The following SGCD variants were observed in gnomAD, a reference collection of about 807,000 sequenced individuals.
SGCD encodes sarcoglycan delta.
Under a neutral mutation model 36.6 loss-of-function variants are expected in SGCD, and 18 were observed. The ratio of observed to expected loss-of-function variants is 0.49; its 90% CI spans 0.34 to 0.73. The LOEUF (loss-of-function observed/expected upper bound fraction) is 0.73, where lower values mean the gene tolerates loss of function less well. Among genes scored for constraint, SGCD ranks in the 30% least tolerant of loss-of-function variants. SGCD has a pLI of 0.01. For missense variants in SGCD, 387 were observed against 346.7 expected (o/e 1.12, Z -0.92); for synonymous variants, 133 against 130.6 (o/e 1.02, Z -0.12).
intron 3 of SGCD, among the ~76,000 whole-genome samples, chr5:156,443,110 G>A (rs552795682): frequency 2.0e-5 from 3 of 152,132 alleles, no homozygotes; most frequent in African/African-American, 7.2e-5. Flanking sequence ...TCAGCCTCCC[G>A]AGTAGCTGGG....
At chr5:156,392,533 A>G (rs1271347712) in intron 3 of SGCD, among the ~76,000 whole-genome samples, 2 of 152,184 alleles carry the variant, frequency 1.3e-5, no homozygotes, top group African/African-American at 2.4e-5. Flanking sequence ...GGCATGTGTT[A>G]CAGGGTGCTC....
the SGCD span, among the ~76,000 whole-genome samples, chr5:155,762,159 T>C: frequency 6.6e-6 from 1 of 152,182 alleles, no homozygotes; most frequent in Non-Finnish European, 1.5e-5. Flanking sequence ...TTGTTCTTTT[T>C]CTGACTACCC....
chr5:156,723,559 TGAAGG>T (rs1275749609), intron 7 of SGCD, among the ~76,000 whole-genome samples: 1 of 152,220 alleles, frequency 6.6e-6, no homozygotes, highest in Non-Finnish European at 1.5e-5. Flanking sequence ...AACCATGCTA[TGAAGG>T]GAAGATTCAG....
intron 2 of SGCD, among the ~76,000 whole-genome samples, chr5:156,339,720 C>A (rs966148856): frequency 5.3e-5 from 8 of 152,098 alleles, no homozygotes; most frequent in Admixed American, 6.5e-5. Flanking sequence ...AAATACCTTA[C>A]TGCTAAAAAC....
At chr5:155,986,820 T>C (rs548300345) in intron 1 of SGCD, among the ~76,000 whole-genome samples, 77 of 152,244 alleles carry the variant, frequency 5.1e-4, no homozygotes, top group Non-Finnish European at 9.3e-4. Flanking sequence ...CAAATCAATT[T>C]TATATCAAAT....
the SGCD span, among the ~76,000 whole-genome samples, chr5:155,744,661 T>C: frequency 6.6e-6 from 1 of 151,904 alleles, no homozygotes; most frequent in Non-Finnish European, 1.5e-5. Flanking sequence ...ACAGCTGAAG[T>C]TGGAGGAAGA....
At chr5:156,312,099 T>C (rs1018031476) in intron 3 of SGCD, among the ~76,000 whole-genome samples, 2 of 152,182 alleles carry the variant, frequency 1.3e-5, no homozygotes, top group African/African-American at 2.4e-5. Context: ...CAAAGGAAAT[T>C]TGCACTTGTT....
chr5:156,208,915 G>GA (rs1764362537), intron 3 of SGCD, among the ~76,000 whole-genome samples: 1 of 152,116 alleles, frequency 6.6e-6, no homozygotes, highest in East Asian at 1.9e-4. Context: ...ACAAAAATAA[G>GA]AAAAAATGTA....
At chr5:156,230,529 T>C (rs1764989720) in intron 3 of SGCD, among the ~76,000 whole-genome samples, 2 of 152,136 alleles carry the variant, frequency 1.3e-5, no homozygotes, top group South Asian at 4.1e-4. Flanking sequence ...CTGTGAACCA[T>C]CTGTGGGTCT....
At chr5:156,228,579 A>G (rs1388666646) in intron 3 of SGCD, among the ~76,000 whole-genome samples, 1 of 152,152 alleles carries the variant, frequency 6.6e-6, no homozygotes, top group Non-Finnish European at 1.5e-5. Flanking sequence ...GTTGGCTGGT[A>G]TCTGATCAAT....
At position 156,265,014 on chromosome 5, in the gene SGCD, G is replaced by A. The variant is rs1765963505; in HGVS notation, c.-43-64520G>A. On this transcript the variant is annotated intron_variant, in intron 3 of 9. Coordinates refer to the SGCD transcript ENST00000517913. ...ATTCAGTGAATTAGATGAGTGGGGAGAAGTGAGCAACCCAATAGTGATGAT... is the reference window on the plus strand; with the variant it reads ...ATTCAGTGAATTAGATGAGTGGGGAAAAGTGAGCAACCCAATAGTGATGAT... Among the ~76,000 whole-genome samples the A allele has an allele frequency of 2.0e-5, 3 of 152,072 alleles. No homozygotes were observed. The South Asian group carries it at 6.2e-4, about 32-fold the overall frequency.
intron 1 of SGCD, among the ~76,000 whole-genome samples, chr5:155,995,016 C>T (rs1758511426): frequency 6.6e-6 from 1 of 152,130 alleles, no homozygotes; most frequent in Admixed American, 6.5e-5. Flanking sequence ...AACCTTTATC[C>T]TCTAAACCAC....
intron 4 of SGCD, among the ~76,000 whole-genome samples, chr5:156,518,470 G>T (rs765833485): frequency 6.6e-6 from 1 of 152,114 alleles, no homozygotes; most frequent in Non-Finnish European, 1.5e-5. Context: ...CTTGAACTCA[G>T]CTCTGGATCA....
chr5:156,552,395 A>T (rs570846336), intron 4 of SGCD, among the ~76,000 whole-genome samples: 23 of 152,358 alleles, frequency 1.5e-4, no homozygotes, highest in African/African-American at 5.5e-4. Context: ...CCTAGGTACA[A>T]CAGTGGGGAT....
intron 3 of SGCD, among the ~76,000 whole-genome samples, chr5:156,466,067 T>C (rs966993135): frequency 1.3e-5 from 2 of 152,230 alleles, no homozygotes; most frequent in Non-Finnish European, 2.9e-5. Flanking sequence ...TCCCAAGCTT[T>C]CTCTGCAGCC....
At chr5:156,477,685 C>CAA (rs11411986) in intron 3 of SGCD, among the ~76,000 whole-genome samples, 6,962 of 101,908 alleles carry the variant, frequency 0.068, 712 homozygotes, top group African/African-American at 0.22. Flanking sequence ...AGTATTTGAG[C>CAA]AAAAAAAAAA....
At chr5:156,464,530 G>A (rs1028222028) in intron 3 of SGCD, among the ~76,000 whole-genome samples, 6 of 151,932 alleles carry the variant, frequency 3.9e-5, no homozygotes, top group East Asian at 1.9e-4. Context: ...TTGAATCTAC[G>A]TTCTTAGGCA....
chr5:155,891,064 A>G lies in SGCD; in HGVS notation c.-282+20640A>G, dbSNP rs578212539. Among the ~76,000 whole-genome samples, 9 of 152,332 alleles carry G rather than the reference A, an allele frequency of 5.9e-5. No homozygotes were observed. In the East Asian group the frequency reaches 1.7e-3, roughly 29 times the overall value. ...TCACCCAACAACGAATATCCTAGGG[A>G]GGAACATGACATGTGTTGGAAGAGA... is the stretch of plus-strand genomic sequence containing the variant. On this transcript the variant is annotated intron_variant, in intron 1 of 9. Transcript: ENST00000517913.
chr5:156,042,040 A>G (rs1759647900), intron 1 of SGCD, among the ~76,000 whole-genome samples: 1 of 152,172 alleles, frequency 6.6e-6, no homozygotes, highest in Non-Finnish European at 1.5e-5. Flanking sequence ...ACTGAAGTGG[A>G]GCAACACCAA....
Sources: allele counts gnomAD v4.1 joint callset (sites outside exome capture counted in the v4.1 genomes callset), GRCh38; gene constraint gnomAD v4.1.1; transcripts MANE v1.5; gene names NCBI Gene and HGNC (gene_info 2026-07-23, HGNC 2026-07-21).